The following AMD1 variants were observed in gnomAD, a reference collection of about 807,000 sequenced individuals.
The protein encoded by AMD1 is adenosylmethionine decarboxylase 1.
In AMD1, 11 loss-of-function variants were observed where a neutral mutation model predicts 40.2. The ratio of observed to expected loss-of-function variants is 0.27; its 90% CI spans 0.17 to 0.45. The LOEUF (loss-of-function observed/expected upper bound fraction) is 0.45, where lower values mean the gene tolerates loss of function less well. Ranked by LOEUF, AMD1 falls within the 20% of genes least tolerant of loss-of-function variation. The pLI is 1.00. For missense variants in AMD1, 257 were observed against 410.2 expected, an observed-to-expected ratio of 0.63 and a Z score of 3.23; for synonymous variants, 121 against 130.8, an observed-to-expected ratio of 0.93 and a Z score of 0.51.
the AMD1 span, among the ~76,000 whole-genome samples, chr6:110,852,929 G>A: frequency 2.7e-5 from 4 of 150,582 alleles, no homozygotes; most frequent in East Asian, 7.8e-4. Flanking sequence ...GATATAAGCA[G>A]CCATATCAGT....
the AMD1 span, among the ~76,000 whole-genome samples, chr6:110,860,833 C>CCT: frequency 5.4e-4 from 69 of 128,190 alleles, no homozygotes; most frequent in Non-Finnish European, 9.7e-4. Flanking sequence ...AAACACCCAC[C>CCT]CACACACACA....
the AMD1 span, chr6:110,814,881 G>C: frequency 7.8e-7 from 1 of 1,277,812 alleles, no homozygotes; most frequent in Non-Finnish European, 1.1e-6. Flanking sequence ...GTGTCCGGAC[G>C]CAACCCCGCG....
At chr6:110,872,679 C>G (rs563714173), upstream of AMD1, among the ~76,000 whole-genome samples, 2 of 152,174 alleles carry the variant, frequency 1.3e-5, no homozygotes, top group South Asian at 2.1e-4. Context: ...TTTTGAGCTT[C>G]AAGATAACAA....
At chr6:110,830,395 T>C in the AMD1 span, among the ~76,000 whole-genome samples, 2 of 152,130 alleles carry the variant, frequency 1.3e-5, no homozygotes, top group African/African-American at 2.4e-5. Flanking sequence ...GAGGCAGGAC[T>C]CAACTCCAGA....
chr6:110,874,587 C>A (rs574141832), upstream of AMD1, among the ~76,000 whole-genome samples: 15 of 151,546 alleles, frequency 9.9e-5, no homozygotes, highest in South Asian at 1.7e-3. Context: ...CACTCAGGAG[C>A]CGGCCAGAGC....
the AMD1 span, among the ~76,000 whole-genome samples, chr6:110,841,300 A>C: frequency 6.6e-6 from 1 of 152,250 alleles, no homozygotes; most frequent in African/African-American, 2.4e-5. Flanking sequence ...TTTCTTTTAA[A>C]GACTAACTTC....
the AMD1 span, chr6:110,848,595 G>T: frequency 1.9e-6 from 1 of 534,412 alleles, no homozygotes; most frequent in Non-Finnish European, 3.0e-6. Context: ...CTTTAGGAAA[G>T]GTGCAAAAAA....
chr6:110,868,881 C>A, the AMD1 span, among the ~76,000 whole-genome samples: 1 of 151,674 alleles, frequency 6.6e-6, no homozygotes, highest in Non-Finnish European at 1.5e-5. Flanking sequence ...CATGGAGAAA[C>A]CCTGACTCTA....
chr6:110,875,974 C>T (rs1437936770), intron 1 of AMD1, among the ~76,000 whole-genome samples: 2 of 152,168 alleles, frequency 1.3e-5, no homozygotes, highest in Non-Finnish European at 2.9e-5. Flanking sequence ...AATCTCTTGA[C>T]CTTGGGTTGT....
chr6:110,823,594 A>T, the AMD1 span, among the ~76,000 whole-genome samples: 2 of 152,176 alleles, frequency 1.3e-5, no homozygotes, highest in African/African-American at 4.8e-5. Flanking sequence ...ACAAATCAAG[A>T]ACTCAAGAAA....
upstream of AMD1, among the ~76,000 whole-genome samples, chr6:110,870,528 TGGGA>T (rs1784896235): frequency 6.6e-6 from 1 of 151,850 alleles, no homozygotes; most frequent in African/African-American, 2.4e-5. Context: ...GAGGCTGAGG[TGGGA>T]GGATCACTTG....
the AMD1 span, among the ~76,000 whole-genome samples, chr6:110,819,070 G>A: frequency 3.3e-5 from 5 of 152,138 alleles, no homozygotes; most frequent in African/African-American, 1.2e-4. Context: ...TAAAAACAAC[G>A]ATCTGGGCCG....
intron 1 of AMD1, among the ~76,000 whole-genome samples, chr6:110,876,595 A>T (rs1416244208): frequency 6.6e-6 from 1 of 152,222 alleles, no homozygotes; most frequent in East Asian, 1.9e-4. Flanking sequence ...TACTAGTCAT[A>T]GCTAAAATGT....
At chr6:110,843,260 G>A in the AMD1 span, among the ~76,000 whole-genome samples, 1 of 151,870 alleles carries the variant, frequency 6.6e-6, no homozygotes, top group East Asian at 1.9e-4. Context: ...GTCAGAAGTT[G>A]GAGACTAGCC....
chr6:110,851,677 G>T, the AMD1 span, among the ~76,000 whole-genome samples: 1 of 152,126 alleles, frequency 6.6e-6, no homozygotes, highest in East Asian at 1.9e-4. Context: ...GGTCAGGCTG[G>T]TCTCAAACTC....
chr6:110,819,304 C>A, the AMD1 span, among the ~76,000 whole-genome samples: 1 of 152,142 alleles, frequency 6.6e-6, no homozygotes, highest in Non-Finnish European at 1.5e-5. Flanking sequence ...TTGCAGTGAG[C>A]CAAGATTGCA....
the AMD1 span, among the ~76,000 whole-genome samples, chr6:110,817,763 T>C: frequency 6.6e-6 from 1 of 152,176 alleles, no homozygotes; most frequent in Non-Finnish European, 1.5e-5. Context: ...AAAAATAAAC[T>C]GTGGTTTAAA....
the AMD1 span, among the ~76,000 whole-genome samples, chr6:110,835,176 G>A: frequency 2.4e-4 from 36 of 150,560 alleles, no homozygotes; most frequent in Non-Finnish European, 4.0e-4. Flanking sequence ...CCGCCACCAC[G>A]CCCGGCTAAT....
chr6:110,846,335 G>A, the AMD1 span, among the ~76,000 whole-genome samples: 1 of 152,080 alleles, frequency 6.6e-6, no homozygotes, highest in Non-Finnish European at 1.5e-5. Flanking sequence ...ACATTAATGA[G>A]GAAGACAAAT....
Sources: gnomAD v4.1 joint callset for allele counts (sites outside exome capture counted in the v4.1 genomes callset) on GRCh38, gnomAD v4.1.1 for gene constraint, MANE v1.5 for transcripts, NCBI Gene and HGNC (gene_info 2026-07-23, HGNC 2026-07-21) for gene names.